Variants in MAPK6 observed in about 807,000 individuals in gnomAD.
MAPK6 encodes the protein mitogen-activated protein kinase 6, also known as ERK-3.
MAPK6 carries 19 observed loss-of-function variants against 59.3 expected under a neutral mutation model. The ratio of observed to expected loss-of-function variants is 0.32; its 90% CI spans 0.22 to 0.47. The LOEUF (loss-of-function observed/expected upper bound fraction) is 0.47, where lower values mean the gene tolerates loss of function less well. MAPK6 is among the 20% of genes least tolerant of loss of function. MAPK6 has a pLI of 1.00. For missense variants in MAPK6, 724 were observed against 847.9 expected (o/e 0.85, Z 1.81); for synonymous variants, 316 against 290.3 (o/e 1.09, Z -0.90).
upstream of MAPK6, among the ~76,000 whole-genome samples, chr15:52,016,088 A>G (rs1264449930): frequency 4.3e-5 from 6 of 138,964 alleles, no homozygotes; most frequent in South Asian, 2.5e-4. Context: ...ACACACACAC[A>G]CACACACACA....
At chr15:52,021,782 C>T (rs1345030889) in intron 1 of MAPK6, among the ~76,000 whole-genome samples, 1 of 151,966 alleles carries the variant, frequency 6.6e-6, no homozygotes, top group African/African-American at 2.4e-5. Flanking sequence ...AAGTTTCACT[C>T]AGAATTATTA....
In MAPK6 at chr15:52,066,181, C is replaced by T. The variant is rs536177606; in HGVS notation, c.*1181C>T. 1 of 152,572 alleles carries T rather than the reference C, an allele frequency of 6.6e-6. No individual in the cohort carries two copies. Among genetic ancestry groups the T allele is most frequent in the African/African-American group, 2.4e-5 (1 of 41,524 alleles). The allele number at this position is 152,572 out of a possible 1,614,324, so 9.5% of individuals were successfully genotyped here. ...CGCAGTCTCTTAGAATTTGTTTCATCTATTTTATTTTATTGAATACTGTCT... is the reference window on the plus strand; with the variant it reads ...CGCAGTCTCTTAGAATTTGTTTCATTTATTTTATTTTATTGAATACTGTCT... On this transcript the variant is annotated 3_prime_UTR_variant, in exon 6 of 6. Coordinates refer to ENST00000261845, the MANE Select transcript of MAPK6 (RefSeq NM_002748.4).
chr15:52,047,645 C>CT (rs35508228), intron 2 of MAPK6, among the ~76,000 whole-genome samples: 3,212 of 137,526 alleles, frequency 0.023, 58 homozygotes, highest in African/African-American at 0.047. Flanking sequence ...CATGCCCAGC[C>CT]TTTTTTTTTT....
intron 1 of MAPK6, among the ~76,000 whole-genome samples, chr15:52,039,587 C>G (rs2031353398): frequency 6.9e-6 from 1 of 144,224 alleles, no homozygotes; most frequent in Non-Finnish European, 1.5e-5. Context: ...GTGATCTCAG[C>G]TCACTGCAGC....
intron 1 of MAPK6, among the ~76,000 whole-genome samples, chr15:52,039,887 C>T (rs1300724667): frequency 6.6e-6 from 1 of 152,142 alleles, no homozygotes; most frequent in Non-Finnish European, 1.5e-5. Context: ...TGTAGATAAG[C>T]ATAGTTACTG....
chr15:52,050,295 CTT>C (rs1270595289), intron 3 of MAPK6, among the ~76,000 whole-genome samples, 158 bp downstream of exon 3: 1 of 152,160 alleles, frequency 6.6e-6, no homozygotes, highest in African/African-American at 2.4e-5. Context: ...ATTGAGAAAA[CTT>C]ATTCACATAT....
At chr15:51,993,751 C>A (rs1429520161) in intron 2 of MAPK6, among the ~76,000 whole-genome samples, 1 of 151,820 alleles carries the variant, frequency 6.6e-6, no homozygotes, top group Non-Finnish European at 1.5e-5. Flanking sequence ...GCAATGCGTA[C>A]ACATAATGCC....
chr15:52,021,705 G>A (rs1296685884), intron 1 of MAPK6: 2 of 151,964 alleles, frequency 1.3e-5, no homozygotes, highest in African/African-American at 4.8e-5. Context: ...TTGACCTTAT[G>A]TTTTTATTGG....
At chr15:51,999,027 C>A (rs1365941698) in intron 2 of MAPK6, among the ~76,000 whole-genome samples, 2 of 142,260 alleles carry the variant, frequency 1.4e-5, no homozygotes, top group African/African-American at 5.2e-5. Context: ...CTCACTCTGT[C>A]GCCCAGGCTG....
chr15:52,058,937 TC>T, intron 4 of MAPK6, 140 bp downstream of exon 4: 1 of 567,062 alleles, frequency 1.8e-6, no homozygotes, highest in Non-Finnish European at 2.7e-6. Context: ...ACGTAAAACT[TC>T]AACTCTCATT....
intron 1 of MAPK6, among the ~76,000 whole-genome samples, chr15:52,038,184 A>G (rs946455697): frequency 1.1e-4 from 17 of 150,306 alleles, no homozygotes; most frequent in South Asian, 2.1e-4. Context: ...GACCTCTGCT[A>G]TAGCTTAATG....
chr15:51,980,599 C>T (rs1332068853), intron 1 of MAPK6, among the ~76,000 whole-genome samples: 1 of 149,638 alleles, frequency 6.7e-6, no homozygotes, highest in Non-Finnish European at 1.5e-5. Flanking sequence ...ATTACAGAAG[C>T]TATTTTTTTT....
At chr15:52,018,333 G>C (rs2030340743), upstream of MAPK6, among the ~76,000 whole-genome samples, 1 of 152,148 alleles carries the variant, frequency 6.6e-6, no homozygotes, top group East Asian at 1.9e-4. Flanking sequence ...CTGGCCCTTT[G>C]TGATCTTTTT....
chr15:52,036,635 C>G (rs547197855), intron 1 of MAPK6, among the ~76,000 whole-genome samples: 1 of 152,292 alleles, frequency 6.6e-6, no homozygotes, highest in East Asian at 1.9e-4. Context: ...AACCCATGAA[C>G]TTTGGGGGAC....
At chr15:52,003,451 G>A (rs2057248710) in intron 2 of MAPK6, among the ~76,000 whole-genome samples, 1 of 152,184 alleles carries the variant, frequency 6.6e-6, no homozygotes. Context: ...ACATCTTCTT[G>A]GGCAAGGTAG....
chr15:52,061,553 A>C lies in MAPK6; in HGVS notation c.1067+53A>C, dbSNP rs2032199461. ...ATATTTACTGAACTTTCAGTGGACC[A>C]TATGTAGTGAGTTTTTTTAAAATTA... On this transcript the variant is annotated intron_variant, in intron 5 of 5. Coordinates refer to ENST00000261845, the MANE Select transcript of MAPK6 (RefSeq NM_002748.4). The C allele has an allele frequency of 1.1e-5, 14 of 1,305,260 alleles. No individual in the cohort carries two copies. In the South Asian group the frequency reaches 1.6e-4, roughly 15 times the overall value. The allele number at this position is 1,305,260 out of a possible 1,614,324, so 80.9% of individuals were successfully genotyped here.
At chr15:52,034,414 G>C (rs1364314587) in intron 1 of MAPK6, among the ~76,000 whole-genome samples, 1 of 151,970 alleles carries the variant, frequency 6.6e-6, no homozygotes, top group Non-Finnish European at 1.5e-5. Flanking sequence ...CCGGGTTCAA[G>C]CAGTCCTCCC....
chr15:52,065,779 C>T lies in MAPK6; in HGVS notation c.*779C>T, dbSNP rs2032398785. 6.6e-6 allele frequency: 1 copy of T among 152,492 alleles called. No homozygotes were observed. Among genetic ancestry groups the T allele is most frequent in the African/African-American group, 2.4e-5 (1 of 41,396 alleles). The allele number at this position is 152,492 out of a possible 1,614,324, so 9.4% of individuals were successfully genotyped here. On this transcript the variant is annotated 3_prime_UTR_variant, in exon 6 of 6. Coordinates refer to ENST00000261845, the MANE Select transcript of MAPK6 (RefSeq NM_002748.4). ...TTCCATTTGGCACTATGGTTTGTTG[C>T]CTACCTAGCTGCATCTATAATGTCA...
chr15:52,023,106 C>CAAAAAAAAAAAAA (rs60315520), intron 1 of MAPK6, among the ~76,000 whole-genome samples: 1 of 73,648 alleles, frequency 1.4e-5, no homozygotes. Flanking sequence ...GACTCCGTCT[C>CAAAAAAAAAAAAA]AAAAAAAAAA....
Sources: allele counts gnomAD v4.1 joint callset (sites outside exome capture counted in the v4.1 genomes callset), GRCh38; gene constraint gnomAD v4.1.1; transcripts MANE v1.5; gene names NCBI Gene and HGNC (gene_info 2026-07-23, HGNC 2026-07-21).